The following BAZ2B variants were observed in gnomAD, a reference collection of about 807,000 sequenced individuals.
The protein encoded by BAZ2B is bromodomain adjacent to zinc finger domain 2B, also known as bromodomain adjacent to zinc finger domain protein 2B.
In BAZ2B, 91 loss-of-function variants were observed where a neutral mutation model predicts 246.0. That is an observed-to-expected ratio of 0.37 (90% confidence interval 0.31 to 0.44). The LOEUF (loss-of-function observed/expected upper bound fraction) is 0.44. Ranked by LOEUF, BAZ2B falls within the 20% of genes least tolerant of loss-of-function variation. The pLI is 1.00. For missense variants in BAZ2B, 2,332 were observed against 2,533.7 expected, an observed-to-expected ratio of 0.92 and a Z score of 1.71; for synonymous variants, 855 against 860.0, an observed-to-expected ratio of 0.99 and a Z score of 0.10.
At chr2:159,705,126 T>C in the BAZ2B span, among the ~76,000 whole-genome samples, 1 of 151,926 alleles carries the variant, frequency 6.6e-6, no homozygotes, top group Admixed American at 6.6e-5. Flanking sequence ...GCTCAAGCAA[T>C]TCTCCTGCCT....
chr2:159,565,218 T>C (rs2090261139), intron 1 of BAZ2B, among the ~76,000 whole-genome samples: 1 of 151,920 alleles, frequency 6.6e-6, no homozygotes, highest in Admixed American at 6.6e-5. Flanking sequence ...GTCAGTGAAG[T>C]GGTAAGGACA....
the BAZ2B span, among the ~76,000 whole-genome samples, chr2:159,709,904 A>C: frequency 6.6e-6 from 1 of 152,266 alleles, no homozygotes; most frequent in Non-Finnish European, 1.5e-5. Context: ...TAAGATGCTA[A>C]CTTAGAGAAG....
intron 2 of BAZ2B, among the ~76,000 whole-genome samples, chr2:159,499,612 T>G (rs2081502215): frequency 6.6e-6 from 1 of 152,206 alleles, no homozygotes; most frequent in Non-Finnish European, 1.5e-5. Context: ...GTCTTCCACA[T>G]GGCTGAACTA....
intron 1 of BAZ2B, among the ~76,000 whole-genome samples, chr2:159,578,968 C>G (rs532564923): frequency 1.3e-5 from 2 of 152,196 alleles, no homozygotes; most frequent in South Asian, 4.1e-4. Context: ...CATGAGAAAG[C>G]AGGAAAGATC....
At chr2:159,556,439 C>A (rs1014654905) in intron 1 of BAZ2B, among the ~76,000 whole-genome samples, 1 of 139,466 alleles carries the variant, frequency 7.2e-6, no homozygotes, top group East Asian at 1.9e-4. Context: ...TCAAGTTTAT[C>A]CCTGTGAAAT....
intron 3 of BAZ2B, among the ~76,000 whole-genome samples, chr2:159,454,776 C>T (rs2075533340): frequency 1.3e-5 from 2 of 152,132 alleles, no homozygotes; most frequent in Non-Finnish European, 2.9e-5. Context: ...AATGTGTTCA[C>T]AAGTGGTTAC....
chr2:159,494,268 TA>T (rs899837787), intron 2 of BAZ2B, among the ~76,000 whole-genome samples: 1 of 152,006 alleles, frequency 6.6e-6, no homozygotes, highest in Non-Finnish European at 1.5e-5. Context: ...AGTAGAATCA[TA>T]AAAAAATGAA....
At chr2:159,491,247 T>C (rs1006645351) in intron 2 of BAZ2B, among the ~76,000 whole-genome samples, 1 of 152,154 alleles carries the variant, frequency 6.6e-6, no homozygotes, top group Non-Finnish European at 1.5e-5. Context: ...AACAACCAAA[T>C]TGCTTATAGA....
At chr2:159,597,680 C>G (rs1471135430) in intron 1 of BAZ2B, among the ~76,000 whole-genome samples, 1 of 152,174 alleles carries the variant, frequency 6.6e-6, no homozygotes. Flanking sequence ...GCATGTGCCA[C>G]CACACCCTCA....
At chr2:159,438,929 C>A in intron 7 of BAZ2B, 80 bp downstream of exon 7, 1 of 1,421,746 alleles carries the variant, frequency 7.0e-7, no homozygotes, top group Non-Finnish European at 9.6e-7. Context: ...TTTAAAACTA[C>A]AGACTTTGAG....
At chr2:159,431,994 G>A (rs2071210470) in intron 9 of BAZ2B, among the ~76,000 whole-genome samples, 1 of 152,148 alleles carries the variant, frequency 6.6e-6, no homozygotes, top group South Asian at 2.1e-4. Context: ...ACCCCAGGAA[G>A]AGTGGTTTTA....
At position 159,557,141 on chromosome 2, in the gene BAZ2B, C is replaced by CTT. The variant is rs35808640; in HGVS notation, c.-45-1278_-45-1277dup. ...CCATTATAGCCTCCCTACTTCTATT[C>CTT]TTTTTTTTTTTTTTTCCCTGCCTCA... On this transcript the variant is annotated intron_variant, in intron 1 of 36. Transcript: ENST00000392783. Among the ~76,000 whole-genome samples the CTT allele has an allele frequency of 2.1e-3, 272 of 132,262 alleles. 1 individual carries two copies. The highest frequency in any genetic ancestry group is 4.0e-3 in the African/African-American group (141 of 34,992). The allele number at this position is 132,262 out of a possible 152,430, so 86.8% of individuals were successfully genotyped here.
At chr2:159,424,198 A>G (rs942687424) in intron 13 of BAZ2B, among the ~76,000 whole-genome samples, 30 of 152,194 alleles carry the variant, frequency 2.0e-4, no homozygotes, top group African/African-American at 7.0e-4. Flanking sequence ...ATTCTTAAAC[A>G]TAAGAAAAAT....
chr2:159,621,505 C>G (rs1696429215), upstream of BAZ2B, among the ~76,000 whole-genome samples: 1 of 152,094 alleles, frequency 6.6e-6, no homozygotes, highest in Admixed American at 6.5e-5. Flanking sequence ...ACAATCATAA[C>G]AGATACTAAA....
In BAZ2B at chr2:159,432,775, A is replaced by C. The variant is rs753495915; in HGVS notation, c.1882T>G (p.Ser628Ala). The C allele has an allele frequency of 5.0e-6, 8 of 1,612,224 alleles. 1 individual carries two copies. In the South Asian group the frequency reaches 8.8e-5, roughly 18 times the overall value. ...AAATAACCTGATTGGCTGTCATCAG[A>C]TTCATCATCTTCATCATCTTCCTCA... ...EDEEDDEDDE[S>A]DDSQSESDSN... The change falls in exon 9 of 37, where the codon TCT becomes GCT. Residue 628 changes from serine to alanine, a missense_variant. By Grantham distance (99) the Ser-to-Ala change is moderately conservative. This residue lies in a region of BAZ2B where 651 missense variants were observed against 650.9 expected (regional missense o/e 1.00). Coordinates refer to ENST00000392783, the MANE Select transcript of BAZ2B (RefSeq NM_013450.4).
intron 35 of BAZ2B, 99 bp downstream of exon 35, chr2:159,325,554 C>CAT: frequency 7.7e-7 from 1 of 1,294,298 alleles, no homozygotes; most frequent in East Asian, 2.7e-5. Flanking sequence ...TTTTTATTTA[C>CAT]ATAAATTATC....
In BAZ2B at chr2:159,433,129, T is replaced by C; in HGVS notation, c.1528A>G (p.Thr510Ala). Reference sequence around the variant, plus strand: ...TTGCTCTGCATTTTAGTTTTGGTAGTAAGTGCTAGAGGAGCTTCTTGAATG... The same window carrying C: ...TTGCTCTGCATTTTAGTTTTGGTAGCAAGTGCTAGAGGAGCTTCTTGAATG... ...SVIQEAPLAL[T>A]TKTKMQSKIN... Residue 510 changes from threonine to alanine, a missense_variant, in exon 9 of 37, where the codon ACT becomes GCT. Around this residue, in one of 9 missense-constraint regions of BAZ2B, gnomAD observed 651 missense variants for 650.9 expected, o/e 1.00. Transcript: ENST00000392783. 6.2e-7 allele frequency: 1 copy of C among 1,614,214 alleles called. No homozygotes were observed. Among genetic ancestry groups the C allele is most frequent in the Non-Finnish European group, 8.5e-7 (1 of 1,180,024 alleles).
At chr2:159,708,545 T>TTTTATTTA in the BAZ2B span, among the ~76,000 whole-genome samples, 118 of 108,866 alleles carry the variant, frequency 1.1e-3, 2 homozygotes, top group East Asian at 3.8e-3. Context: ...TTTAATAACC[T>TTTTATTTA]TTTATTTATT....
At chr2:159,490,067 A>G (rs1463282966) in intron 2 of BAZ2B, among the ~76,000 whole-genome samples, 1 of 152,226 alleles carries the variant, frequency 6.6e-6, no homozygotes. Flanking sequence ...TCAAAAACTA[A>G]CTTCTTATAA....
Sources: allele counts gnomAD v4.1 joint callset (sites outside exome capture counted in the v4.1 genomes callset), GRCh38; gene constraint gnomAD v4.1.1; regional missense constraint gnomAD v4.1.1; transcripts MANE v1.5; gene names NCBI Gene and HGNC (gene_info 2026-07-23, HGNC 2026-07-21).